The following CCNI variants were observed in gnomAD, a reference collection of about 807,000 sequenced individuals.
CCNI encodes the protein cyclin I.
In CCNI, 14 loss-of-function variants were observed where a neutral mutation model predicts 34.1. The observed-to-expected ratio is 0.41, with a 90% confidence interval of 0.27 to 0.64. The LOEUF (loss-of-function observed/expected upper bound fraction) is 0.64, where lower values mean the gene tolerates loss of function less well. CCNI is among the 30% of genes least tolerant of loss of function. The pLI is 0.31. For synonymous variants in CCNI, 154 were observed against 158.4 expected, an observed-to-expected ratio of 0.97 and a Z score of 0.21; for missense variants, 385 against 440.5, an observed-to-expected ratio of 0.87 and a Z score of 1.13.
At chr4:77,066,151 T>C (rs1578251021) in intron 2 of CCNI, 98 bp downstream of exon 2, 2 of 977,084 alleles carry the variant, frequency 2.0e-6, no homozygotes, top group East Asian at 2.5e-5. Flanking sequence ...CCTTAAATGG[T>C]ACACACTCCT....
intron 2 of CCNI, among the ~76,000 whole-genome samples, chr4:77,060,207 A>C (rs896196429): frequency 6.6e-6 from 1 of 152,218 alleles, no homozygotes; most frequent in Non-Finnish European, 1.5e-5. Context: ...TCACAAAGGT[A>C]ACATACAAAA....
At chr4:77,062,253 C>T (rs1728663345) in intron 2 of CCNI, among the ~76,000 whole-genome samples, 1 of 152,204 alleles carries the variant, frequency 6.6e-6, no homozygotes, top group Admixed American at 6.5e-5. Flanking sequence ...CTCATTACAC[C>T]TGTTAAACGT....
At chr4:77,074,792 C>T (rs4252773) in intron 1 of CCNI, 2,160 of 152,330 alleles carry the variant, frequency 0.014, 25 homozygotes, top group Non-Finnish European at 0.022. Context: ...CATCCTACCT[C>T]CCGAAACACC....
chr4:77,056,565 A>C, intron 3 of CCNI: 3 of 441,522 alleles, frequency 6.8e-6, no homozygotes, highest in Non-Finnish European at 8.2e-6. Flanking sequence ...CACTTGCAAG[A>C]TCAAGTGTGT....
chr4:77,057,525 T>A (rs1244848302), intron 3 of CCNI, among the ~76,000 whole-genome samples: 1 of 152,202 alleles, frequency 6.6e-6, no homozygotes, highest in African/African-American at 2.4e-5. Flanking sequence ...AATTGACAGT[T>A]CCCCCAGTTT....
intron 3 of CCNI, chr4:77,056,561 C>A: frequency 1.1e-5 from 5 of 440,704 alleles, no homozygotes; most frequent in Non-Finnish European, 1.6e-5. Context: ...AGTACACTTG[C>A]AAGATCAAGT....
At chr4:77,060,934 T>A (rs1560777049) in intron 2 of CCNI, among the ~76,000 whole-genome samples, 1 of 96,526 alleles carries the variant, frequency 1.0e-5, no homozygotes, top group Non-Finnish European at 1.7e-5. Flanking sequence ...CTAATTTTAC[T>A]TTTTTGTAGA....
chr4:77,067,573 C>T (rs1340954258), intron 1 of CCNI, among the ~76,000 whole-genome samples: 5 of 151,816 alleles, frequency 3.3e-5, no homozygotes, highest in African/African-American at 1.2e-4. Context: ...TCACTGCAGC[C>T]TCGAACTCCT....
At chr4:77,056,804 G>A (rs1728273286) in intron 3 of CCNI, among the ~76,000 whole-genome samples, 1 of 151,980 alleles carries the variant, frequency 6.6e-6, no homozygotes. Flanking sequence ...GTGTTAGCCA[G>A]GATGGTCTCA....
intron 1 of CCNI, among the ~76,000 whole-genome samples, chr4:77,067,586 G>A (rs1283682524): frequency 6.6e-6 from 1 of 151,802 alleles, no homozygotes; most frequent in Non-Finnish European, 1.5e-5. Flanking sequence ...GAACTCCTGG[G>A]TTCAGGTGAT....
Position 77,058,571 on chromosome 4 carries a change from T to G in CCNI, c.179A>C (p.Asn60Thr), listed in dbSNP as rs749953270. 6.2e-7 allele frequency: 1 copy of G among 1,613,320 alleles called. No individual in the cohort carries two copies. The highest frequency in any genetic ancestry group is 8.5e-7 in the Non-Finnish European group (1 of 1,179,338). The change falls in exon 3 of 7, where the codon AAC becomes ACC. Residue 60 changes from asparagine (N) to threonine (T), a missense_variant. This residue lies in a region of CCNI where 135 missense variants were observed against 191.8 expected (regional missense o/e 0.70). Coordinates refer to ENST00000237654, the MANE Select transcript of CCNI (RefSeq NM_006835.3). Reference sequence around the variant, plus strand: ...CAGAGCAAATGTTTCTGGGTAAAGGTTGAATTGGTACTTGAGTTTGGCCAG... The same window carrying G: ...CAGAGCAAATGTTTCTGGGTAAAGGGTGAATTGGTACTTGAGTTTGGCCAG... ...QWLAKLKYQFNLYPETFALAS... is the reference protein window; with the variant it reads ...QWLAKLKYQFTLYPETFALAS...
intron 1 of CCNI, among the ~76,000 whole-genome samples, chr4:77,068,976 C>A (rs948182274): frequency 6.6e-6 from 1 of 152,044 alleles, no homozygotes; most frequent in Non-Finnish European, 1.5e-5. Flanking sequence ...CATAAAATAT[C>A]TTCATACTAA....
chr4:77,059,825 G>A (rs1336023358), intron 2 of CCNI, among the ~76,000 whole-genome samples: 1 of 152,112 alleles, frequency 6.6e-6, no homozygotes, highest in Non-Finnish European at 1.5e-5. Flanking sequence ...CAAGACTTCT[G>A]GATGAAGAGT....
chr4:77,053,842 T>C (rs1462072336), intron 6 of CCNI, among the ~76,000 whole-genome samples: 2 of 152,226 alleles, frequency 1.3e-5, no homozygotes, highest in Non-Finnish European at 2.9e-5. Context: ...ATATTATTCA[T>C]TTAAATGGTG....
chr4:77,068,921 T>C (rs145355815), intron 1 of CCNI, among the ~76,000 whole-genome samples: 1 of 152,174 alleles, frequency 6.6e-6, no homozygotes, highest in South Asian at 2.1e-4. Flanking sequence ...TTGTTAATTT[T>C]TGTGTCTTTA....
At chr4:77,053,392 C>T (rs4241599) in intron 6 of CCNI, among the ~76,000 whole-genome samples, 73,527 of 151,984 alleles carry the variant, frequency 0.48, 19,325 homozygotes, top group African/African-American at 0.68. Flanking sequence ...AATGAAATAA[C>T]TTCTCCAAAG....
At chr4:77,070,186 T>C (rs1050984646) in intron 1 of CCNI, among the ~76,000 whole-genome samples, 4 of 151,862 alleles carry the variant, frequency 2.6e-5, no homozygotes, top group Non-Finnish European at 4.4e-5. Context: ...CATGGCTAAT[T>C]TTTGTATTTT....
chr4:77,053,809 G>A (rs900181474), intron 6 of CCNI, among the ~76,000 whole-genome samples: 1 of 152,124 alleles, frequency 6.6e-6, no homozygotes, highest in South Asian at 2.1e-4. Flanking sequence ...ACTCCAGGGT[G>A]AGCAAAGTAA....
intron 1 of CCNI, among the ~76,000 whole-genome samples, chr4:77,072,933 G>A (rs61074816): frequency 0.054 from 8,277 of 152,234 alleles, 758 homozygotes; most frequent in African/African-American, 0.19. Flanking sequence ...GACATACTAT[G>A]ATACAGAAAG....
Sources: allele counts gnomAD v4.1 joint callset (sites outside exome capture counted in the v4.1 genomes callset), GRCh38; gene constraint gnomAD v4.1.1; regional missense constraint gnomAD v4.1.1; transcripts MANE v1.5; gene names NCBI Gene and HGNC (gene_info 2026-07-23, HGNC 2026-07-21).